The following PAK1 variants were observed in gnomAD, a reference collection of about 807,000 sequenced individuals.
PAK1 encodes the protein p21 (RAC1) activated kinase 1, also known as serine/threonine-protein kinase PAK 1.
Under a neutral mutation model 67.4 loss-of-function variants are expected in PAK1, and 29 were observed. The observed-to-expected ratio is 0.43, with a 90% CI of 0.32 to 0.59. The LOEUF is 0.59. Ranked by LOEUF, PAK1 falls within the 20% of genes least tolerant of loss-of-function variation. The pLI is 0.07. For synonymous variants in PAK1, 223 were observed against 237.4 expected (o/e 0.94, Z 0.56); for missense variants, 337 against 670.7 (o/e 0.50, Z 5.50).
intron 1 of PAK1, among the ~76,000 whole-genome samples, chr11:77,448,491 A>T (rs1956713986): frequency 6.6e-6 from 1 of 152,268 alleles, no homozygotes; most frequent in African/African-American, 2.4e-5. Flanking sequence ...ACAACAGAGT[A>T]ACACATAAAC....
At chr11:77,352,028 A>G (rs1377855873) in intron 8 of PAK1, among the ~76,000 whole-genome samples, 1 of 152,162 alleles carries the variant, frequency 6.6e-6, no homozygotes, top group African/African-American at 2.4e-5. Context: ...TCCTCCTCCC[A>G]GAAATAACTA....
intron 1 of PAK1, among the ~76,000 whole-genome samples, chr11:77,429,236 T>G (rs1955746658): frequency 6.6e-6 from 1 of 152,008 alleles, no homozygotes; most frequent in African/African-American, 2.4e-5. Flanking sequence ...CAACTTCTGA[T>G]TTGGCTCCTA....
intron 2 of PAK1, among the ~76,000 whole-genome samples, chr11:77,386,068 A>C (rs1230370208): frequency 6.6e-6 from 1 of 152,112 alleles, no homozygotes; most frequent in Non-Finnish European, 1.5e-5. Context: ...AAAGCGGGAA[A>C]AGAAGCTTCC....
intron 1 of PAK1, among the ~76,000 whole-genome samples, chr11:77,409,695 A>T (rs1954213113): frequency 6.6e-6 from 1 of 152,176 alleles, no homozygotes; most frequent in Non-Finnish European, 1.5e-5. Context: ...GTACAGGAAG[A>T]CAAATATCAC....
chr11:77,409,633 C>T (rs1285279161), intron 1 of PAK1, among the ~76,000 whole-genome samples: 1 of 151,718 alleles, frequency 6.6e-6, no homozygotes, highest in Non-Finnish European at 1.5e-5. Flanking sequence ...CTGTCATTTG[C>T]AGCAACATGG....
the PAK1 span, among the ~76,000 whole-genome samples, chr11:77,516,810 C>T: frequency 7.2e-6 from 1 of 138,602 alleles, no homozygotes; most frequent in Admixed American, 7.9e-5. Context: ...CAAGACCAGC[C>T]TGGGCAACAT....
At chr11:77,444,561 T>C (rs1045575170) in intron 1 of PAK1, among the ~76,000 whole-genome samples, 5 of 152,202 alleles carry the variant, frequency 3.3e-5, no homozygotes, top group African/African-American at 1.2e-4. Flanking sequence ...CAAAACATCT[T>C]CTATTATTGT....
the PAK1 span, among the ~76,000 whole-genome samples, chr11:77,525,703 G>C: frequency 6.6e-6 from 1 of 152,334 alleles, no homozygotes; most frequent in South Asian, 2.1e-4. Context: ...CTCGACAGAA[G>C]GGTGGTTTAC....
At chr11:77,495,813 C>T in the PAK1 span, among the ~76,000 whole-genome samples, 1 of 152,170 alleles carries the variant, frequency 6.6e-6, no homozygotes, top group Non-Finnish European at 1.5e-5. Context: ...TATGATTCTA[C>T]TTATATGAGA....
chr11:77,348,097 G>A (rs1225324849), intron 9 of PAK1, among the ~76,000 whole-genome samples: 1 of 152,200 alleles, frequency 6.6e-6, no homozygotes, highest in Non-Finnish European at 1.5e-5. Flanking sequence ...AGAGCCTAGT[G>A]AGATATGTGC....
intron 1 of PAK1, among the ~76,000 whole-genome samples, chr11:77,467,507 ATACT>A (rs1223252599): frequency 6.6e-6 from 1 of 152,214 alleles, no homozygotes; most frequent in African/African-American, 2.4e-5. Context: ...TTTTCATATA[ATACT>A]TACATAAGAC....
At chr11:77,390,115 C>T (rs1248313325) in intron 2 of PAK1, among the ~76,000 whole-genome samples, 1 of 152,234 alleles carries the variant, frequency 6.6e-6, no homozygotes, top group African/African-American at 2.4e-5. Context: ...GATCATAGCC[C>T]TTGTACCAAG....
chr11:77,365,449 G>GAAATAAGGAT (rs1490781029), intron 5 of PAK1, among the ~76,000 whole-genome samples: 8 of 151,088 alleles, frequency 5.3e-5, no homozygotes, highest in Admixed American at 4.0e-4. Flanking sequence ...AATATTTAAA[G>GAAATAAGGAT]AAATAAGGAT....
intron 2 of PAK1, 27 bp from the exon 3 acceptor site, chr11:77,380,021 T>TA (rs751778215): frequency 1.3e-6 from 2 of 1,539,796 alleles, no homozygotes; most frequent in Non-Finnish European, 9.0e-7. Flanking sequence ...CAAAAGGAAA[T>TA]AAAAAACAGG....
At chr11:77,513,546 C>T in the PAK1 span, among the ~76,000 whole-genome samples, 1 of 151,820 alleles carries the variant, frequency 6.6e-6, no homozygotes, top group East Asian at 1.9e-4. Context: ...TGGCACATCC[C>T]TGTAGTCCCA....
At chr11:77,349,141 ACCTAGAACTGTTCCTGTTGACCT>A in intron 9 of PAK1, 75 bp downstream of exon 9, 1 of 866,330 alleles carries the variant, frequency 1.2e-6, no homozygotes, top group Non-Finnish European at 1.8e-6. Context: ...AAAAAAAAAA[ACCTAGAACTGTTCCTGTTGACCT>A]AACAAGGGCT....
intron 1 of PAK1, among the ~76,000 whole-genome samples, chr11:77,462,330 CAA>C (rs34121310): frequency 6.9e-4 from 96 of 140,094 alleles, no homozygotes; most frequent in African/African-American, 1.9e-3. Context: ...GACTCCGTCT[CAA>C]AAAAAAAAAA....
chr11:77,441,937 T>C (rs912485631), intron 1 of PAK1, among the ~76,000 whole-genome samples: 1 of 152,108 alleles, frequency 6.6e-6, no homozygotes, highest in African/African-American at 2.4e-5. Flanking sequence ...CACGAAAGTG[T>C]CTGGTTGCTG....
chr11:77,513,473 A>C, the PAK1 span, among the ~76,000 whole-genome samples: 146,509 of 152,036 alleles, frequency 0.96, 70,638 homozygotes, highest in Middle Eastern at 1. Flanking sequence ...AGTTCGAGAC[A>C]AGCCTGGCCA....
Sources: gnomAD v4.1 joint callset for allele counts (sites outside exome capture counted in the v4.1 genomes callset) on GRCh38, gnomAD v4.1.1 for gene constraint, MANE v1.5 for transcripts, NCBI Gene and HGNC (gene_info 2026-07-23, HGNC 2026-07-21) for gene names.